Variants in STXBP6 observed in about 807,000 individuals in gnomAD.
STXBP6 encodes the protein syntaxin-binding protein 6.
A neutral mutation model predicts 26.9 loss-of-function variants in STXBP6; 21 were observed. The observed-to-expected ratio is 0.78, with a 90% CI of 0.55 to 1.12. The LOEUF is 1.12. STXBP6 is among the 50% of genes most tolerant of loss of function. STXBP6 has a pLI of 0.00. For missense variants in STXBP6, 232 were observed against 257.9 expected (o/e 0.90, Z 0.69); for synonymous variants, 97 against 92.6 (o/e 1.05, Z -0.27).
At chr14:24,912,819 TA>T (rs1283457949) in intron 2 of STXBP6, among the ~76,000 whole-genome samples, 2 of 152,108 alleles carry the variant, frequency 1.3e-5, no homozygotes, top group Admixed American at 6.5e-5. Flanking sequence ...CACTACTTTT[TA>T]AAAAAATGTG....
intron 2 of STXBP6, among the ~76,000 whole-genome samples, chr14:24,909,240 G>C (rs1388949293): frequency 6.6e-6 from 1 of 152,210 alleles, no homozygotes; most frequent in African/African-American, 2.4e-5. Flanking sequence ...ACAAACTTTA[G>C]GTTTGCGAGT....
rs540287463 is a variant in STXBP6 at position 24,976,829 on chromosome 14, A to C, written c.-32-1979T>G. Among the ~76,000 whole-genome samples, 779 of 146,616 alleles carry C rather than the reference A, an allele frequency of 5.3e-3. 10 individuals are homozygous for C. The highest frequency in any genetic ancestry group is 0.019 in the African/African-American group (748 of 38,496). On this transcript the variant is annotated intron_variant, in intron 1 of 5. Transcript: ENST00000323944. ...GATAAGCAATGTAGAAAGCAAGCCAAAGTCCTGAGCTGACTGGGCGCTCTT... is the reference window on the plus strand; with the variant it reads ...GATAAGCAATGTAGAAAGCAAGCCACAGTCCTGAGCTGACTGGGCGCTCTT...
chr14:24,968,887 A>G (rs2140165976), intron 2 of STXBP6, among the ~76,000 whole-genome samples: 1 of 152,306 alleles, frequency 6.6e-6, no homozygotes, highest in East Asian at 1.9e-4. Context: ...AAACAGTAAA[A>G]CTTCTCAACC....
chr14:24,911,554 C>T (rs1439351687), intron 2 of STXBP6, among the ~76,000 whole-genome samples: 9 of 152,132 alleles, frequency 5.9e-5, no homozygotes, highest in Admixed American at 5.9e-4. Context: ...ATACCAGCTT[C>T]TCAAAGTTGG....
intron 1 of STXBP6, among the ~76,000 whole-genome samples, chr14:25,001,049 T>C (rs2074748783): frequency 6.6e-6 from 1 of 152,120 alleles, no homozygotes; most frequent in Non-Finnish European, 1.5e-5. Flanking sequence ...TCAGTGAACC[T>C]TCAGAGGAAA....
intron 2 of STXBP6, among the ~76,000 whole-genome samples, chr14:24,970,279 A>G (rs372891681): frequency 2.6e-5 from 4 of 152,272 alleles, no homozygotes; most frequent in Non-Finnish European, 4.4e-5. Flanking sequence ...ATTTATTTAT[A>G]TATAATAAAA....
chr14:24,929,952 C>T (rs1276592624), intron 2 of STXBP6, among the ~76,000 whole-genome samples: 1 of 152,226 alleles, frequency 6.6e-6, no homozygotes, highest in Non-Finnish European at 1.5e-5. Context: ...CAAAGCACCA[C>T]TTTGTTATAT....
chr14:24,993,147 A>G (rs2074516857), intron 1 of STXBP6, among the ~76,000 whole-genome samples: 1 of 152,248 alleles, frequency 6.6e-6, no homozygotes, highest in South Asian at 2.1e-4. Context: ...CAGGCTGAAA[A>G]CACATCACAT....
chr14:25,016,309 G>T (rs2075146134), intron 1 of STXBP6, among the ~76,000 whole-genome samples: 1 of 151,982 alleles, frequency 6.6e-6, no homozygotes, highest in Admixed American at 6.6e-5. Flanking sequence ...CCCCAGGGTA[G>T]AAATTAATTT....
chr14:24,857,022 C>T lies in STXBP6; in HGVS notation c.285+5G>A. 2 of 1,612,360 alleles carry T rather than the reference C, an allele frequency of 1.2e-6. No individual in the cohort carries two copies. The highest frequency in any genetic ancestry group is 1.7e-6 in the Non-Finnish European group (2 of 1,178,780). On this transcript the variant is annotated splice_donor_5th_base_variant and intron_variant, in intron 3 of 5. Transcript: ENST00000323944. ...CCTTTGCTCAGCATTGGACAATTCA[C>T]TCACCCCATTAGGATCGATACCATT...
intron 2 of STXBP6, 133 bp from the exon 3 acceptor site, chr14:24,857,290 G>T: frequency 8.5e-7 from 1 of 1,172,556 alleles, no homozygotes; most frequent in Non-Finnish European, 1.2e-6. Flanking sequence ...GGAAAGGAGG[G>T]AATATGAATA....
intron 2 of STXBP6, among the ~76,000 whole-genome samples, chr14:24,882,108 G>A (rs984847901): frequency 6.6e-6 from 1 of 151,902 alleles, no homozygotes; most frequent in African/African-American, 2.4e-5. Context: ...GGCCGGGCGC[G>A]GTGGCTCACG....
Position 24,926,938 on chromosome 14 carries a change from T to TA in STXBP6, c.154+47726dup, listed in dbSNP as rs33991257. 2.5e-3 allele frequency among the ~76,000 whole-genome samples: 370 copies of TA among 150,664 alleles called. 1 individual carries two copies. The highest frequency in any genetic ancestry group is 0.013 in the South Asian group (64 of 4,770). ...CTAAGTGTCAGCTCCTGCTGCTATT[T>TA]AAAAAAAAAATAAAGTTAATAATTA... On this transcript the variant is annotated intron_variant, in intron 2 of 5. Transcript: ENST00000323944.
intron 2 of STXBP6, among the ~76,000 whole-genome samples, chr14:24,897,694 T>G (rs2071047995): frequency 6.6e-6 from 1 of 152,182 alleles, no homozygotes; most frequent in Admixed American, 6.5e-5. Flanking sequence ...ATTATGGATC[T>G]TCACAAACAA....
chr14:24,912,508 T>C (rs892535404), intron 2 of STXBP6, among the ~76,000 whole-genome samples: 11 of 151,410 alleles, frequency 7.3e-5, no homozygotes, highest in Non-Finnish European at 1.5e-5. Context: ...AAATCTTCTA[T>C]AACAATTTAA....
intron 1 of STXBP6, among the ~76,000 whole-genome samples, chr14:25,024,337 A>G (rs922858536): frequency 6.6e-6 from 1 of 152,116 alleles, no homozygotes; most frequent in Non-Finnish European, 1.5e-5. Flanking sequence ...GTTTTCAGTT[A>G]TGTTAAAATG....
chr14:24,962,260 G>C (rs954197889), intron 2 of STXBP6, among the ~76,000 whole-genome samples: 1 of 151,906 alleles, frequency 6.6e-6, no homozygotes, highest in Non-Finnish European at 1.5e-5. Context: ...TTTTTAACTG[G>C]TTGTTAAGCG....
chr14:24,996,216 T>C (rs1700419700), intron 1 of STXBP6, among the ~76,000 whole-genome samples: 1 of 152,194 alleles, frequency 6.6e-6, no homozygotes, highest in South Asian at 2.1e-4. Flanking sequence ...TACTTATGAA[T>C]TGAATTCTAG....
intron 4 of STXBP6, among the ~76,000 whole-genome samples, chr14:24,825,789 G>T (rs2068263291): frequency 6.6e-6 from 1 of 152,132 alleles, no homozygotes; most frequent in South Asian, 2.1e-4. Flanking sequence ...AAACATTTAG[G>T]ATTTTATTCA....
Sources: gnomAD v4.1 joint callset for allele counts (sites outside exome capture counted in the v4.1 genomes callset) on GRCh38, gnomAD v4.1.1 for gene constraint, MANE v1.5 for transcripts, NCBI Gene and HGNC (gene_info 2026-07-23, HGNC 2026-07-21) for gene names.